The following LRFN5 variants were observed in gnomAD, a reference collection of about 807,000 sequenced individuals.
LRFN5 encodes leucine-rich repeat and fibronectin type-III domain-containing protein 5.
LRFN5 carries 24 observed loss-of-function variants against 45.6 expected under a neutral mutation model. The ratio of observed to expected loss-of-function variants is 0.53; its 90% confidence interval spans 0.38 to 0.74. The LOEUF (loss-of-function observed/expected upper bound fraction) is 0.74, where lower values mean the gene tolerates loss of function less well. Ranked by LOEUF, LRFN5 falls within the 30% of genes least tolerant of loss-of-function variation. The pLI, the probability that LRFN5 is intolerant of heterozygous loss-of-function variation, is 0.00. For synonymous variants in LRFN5, 340 were observed against 313.8 expected (o/e 1.08, Z -0.88); for missense variants, 776 against 861.5 (o/e 0.90, Z 1.24).
chr14:41,701,303 A>G (rs537390965), intron 1 of LRFN5: 5 of 152,318 alleles, frequency 3.3e-5, no homozygotes, highest in African/African-American at 1.2e-4. Context: ...CACATGCTGT[A>G]CATACATTAT....
At chr14:41,709,082 ACCAACTGTTTCTT>A (rs144865866) in intron 1 of LRFN5, among the ~76,000 whole-genome samples, 30,986 of 151,916 alleles carry the variant, frequency 0.2, 3,388 homozygotes, top group Non-Finnish European at 0.26. Context: ...TAAAACTCGT[ACCAACTGTTTCTT>A]CCACTTAGGC....
chr14:41,647,190 A>G (rs1180364951), intron 1 of LRFN5, among the ~76,000 whole-genome samples: 1 of 152,142 alleles, frequency 6.6e-6, no homozygotes, highest in Non-Finnish European at 1.5e-5. Flanking sequence ...TGGATAACAT[A>G]CATAGATTTT....
chr14:41,694,704 T>C (rs1281515120), intron 1 of LRFN5, among the ~76,000 whole-genome samples: 1 of 151,992 alleles, frequency 6.6e-6, no homozygotes, highest in Non-Finnish European at 1.5e-5. Context: ...TTCATGTCTC[T>C]GTGTCACATT....
chr14:41,872,177 C>A (rs1890041163), intron 2 of LRFN5, among the ~76,000 whole-genome samples: 1 of 152,182 alleles, frequency 6.6e-6, no homozygotes, highest in Non-Finnish European at 1.5e-5. Context: ...TTTGTTACAG[C>A]TTACAGCTAT....
rs1675625081 is a variant in LRFN5, at chr14:41,803,290, C to A, written c.-21+36261C>A. ...TCTTTTCCAAAACTACATACCGTACCTACAGTAATTGGTTTTAAAAAGCTA... is the reference window on the plus strand; with the variant it reads ...TCTTTTCCAAAACTACATACCGTACATACAGTAATTGGTTTTAAAAAGCTA... On this transcript the variant is annotated intron_variant, in intron 2 of 5. Transcript: ENST00000298119. 3.9e-5 allele frequency among the ~76,000 whole-genome samples: 6 copies of A among 151,972 alleles called. No individual in the cohort carries two copies. The South Asian group carries it at 1.2e-3, about 32-fold the overall frequency.
intron 1 of LRFN5, among the ~76,000 whole-genome samples, chr14:41,754,482 G>A (rs1885286124): frequency 6.6e-6 from 1 of 151,994 alleles, no homozygotes; most frequent in Non-Finnish European, 1.5e-5. Context: ...CTTCTTCCTG[G>A]TTTAGTCTTG....
chr14:41,800,215 G>A (rs917375985), intron 2 of LRFN5, among the ~76,000 whole-genome samples: 9 of 151,836 alleles, frequency 5.9e-5, no homozygotes, highest in African/African-American at 2.2e-4. Context: ...ATCTTTAATT[G>A]GAGGATTTTA....
At chr14:41,736,984 C>G (rs1158402927) in intron 1 of LRFN5, among the ~76,000 whole-genome samples, 4 of 152,048 alleles carry the variant, frequency 2.6e-5, no homozygotes, top group African/African-American at 9.7e-5. Flanking sequence ...AAAAGGAATC[C>G]TCTCTAACTC....
At chr14:41,672,812 C>G (rs932144463) in intron 1 of LRFN5, among the ~76,000 whole-genome samples, 2 of 152,062 alleles carry the variant, frequency 1.3e-5, no homozygotes, top group African/African-American at 4.8e-5. Flanking sequence ...GTATTTTCTT[C>G]AAGAGAAATG....
At chr14:41,844,602 C>T (rs1031791069) in intron 2 of LRFN5, among the ~76,000 whole-genome samples, 1 of 152,138 alleles carries the variant, frequency 6.6e-6, no homozygotes, top group Non-Finnish European at 1.5e-5. Flanking sequence ...TTTACACTGA[C>T]ACTGATTTCT....
At chr14:41,893,457 C>T (rs1476203526) in intron 4 of LRFN5, 9 of 984,722 alleles carry the variant, frequency 9.1e-6, no homozygotes, top group Middle Eastern at 5.2e-4. Flanking sequence ...AAAGAAATGA[C>T]ATTTTAGCCA....
intron 1 of LRFN5, among the ~76,000 whole-genome samples, chr14:41,713,691 T>C (rs1044439794): frequency 1.3e-5 from 2 of 152,116 alleles, no homozygotes; most frequent in Non-Finnish European, 2.9e-5. Flanking sequence ...ATTTCAAATA[T>C]ACCATATTGG....
chr14:41,881,246 T>C (rs1301725481), intron 2 of LRFN5, among the ~76,000 whole-genome samples: 2 of 152,128 alleles, frequency 1.3e-5, no homozygotes, highest in African/African-American at 4.8e-5. Context: ...AAATTTTTCT[T>C]AGATTTTGCC....
chr14:41,715,588 A>C (rs1883460894), intron 1 of LRFN5, among the ~76,000 whole-genome samples: 1 of 152,152 alleles, frequency 6.6e-6, no homozygotes, highest in Admixed American at 6.5e-5. Context: ...ACAGAATACC[A>C]CAGACTGGGA....
intron 4 of LRFN5, among the ~76,000 whole-genome samples, chr14:41,895,774 C>A: frequency 6.7e-6 from 1 of 149,816 alleles, no homozygotes; most frequent in South Asian, 2.1e-4. Flanking sequence ...TGCTTTAAAA[C>A]AGTGGGTTTT....
At chr14:41,870,564 T>G (rs1417628969) in intron 2 of LRFN5, among the ~76,000 whole-genome samples, 1 of 152,144 alleles carries the variant, frequency 6.6e-6, no homozygotes, top group Non-Finnish European at 1.5e-5. Context: ...ACTTATTCAC[T>G]ATCATGAAAA....
chr14:41,654,504 A>C (rs890502042), intron 1 of LRFN5, among the ~76,000 whole-genome samples: 1 of 152,046 alleles, frequency 6.6e-6, no homozygotes, highest in African/African-American at 2.4e-5. Context: ...AAGAAAAAAG[A>C]AAGGGTTCTA....
chr14:41,809,105 A>G (rs963743428), intron 2 of LRFN5, among the ~76,000 whole-genome samples: 1 of 152,070 alleles, frequency 6.6e-6, no homozygotes, highest in Non-Finnish European at 1.5e-5. Flanking sequence ...ATATGGCTAT[A>G]GTTATCTGGA....
chr14:41,801,599 T>C (rs1887335276), intron 2 of LRFN5, among the ~76,000 whole-genome samples: 1 of 152,174 alleles, frequency 6.6e-6, no homozygotes, highest in East Asian at 1.9e-4. Context: ...CCTATGCCTG[T>C]TTACTTCTCT....
Sources: allele counts gnomAD v4.1 joint callset (sites outside exome capture counted in the v4.1 genomes callset), GRCh38; gene constraint gnomAD v4.1.1; transcripts MANE v1.5; gene names NCBI Gene and HGNC (gene_info 2026-07-23, HGNC 2026-07-21).